The following MSN variants were observed in gnomAD, a reference collection of about 807,000 sequenced individuals.
The protein encoded by MSN is moesin, also known as epididymis luminal protein 70.
In MSN, 2 loss-of-function variants were observed where a neutral mutation model predicts 48.0. The observed-to-expected ratio is 0.04, with a 90% CI of 0.02 to 0.13. MSN has a LOEUF of 0.13. MSN is among the 10% of genes least tolerant of loss of function. The pLI is 1.00. For synonymous variants in MSN, 146 were observed against 166.9 expected, an observed-to-expected ratio of 0.87 and a Z score of 0.97; for missense variants, 267 against 470.1, an observed-to-expected ratio of 0.57 and a Z score of 3.99.
At chrX:65,662,199 C>A (rs929109376) in intron 1 of MSN, among the ~76,000 whole-genome samples, 3 of 112,384 alleles carry the variant, frequency 2.7e-5, no homozygotes, top group African/African-American at 9.7e-5. Context: ...ATTAAAATAG[C>A]CATACTGCCC....
chrX:65,732,048 A>C, intron 6 of MSN, 64 bp downstream of exon 6: 1 of 1,110,191 alleles, frequency 9.0e-7, no homozygotes, highest in Non-Finnish European at 1.2e-6. Context: ...ACTTTTCACC[A>C]AGGAGCAGGG....
intron 1 of MSN, among the ~76,000 whole-genome samples, chrX:65,618,339 T>C (rs935050074): frequency 1.8e-5 from 2 of 111,188 alleles, no homozygotes; most frequent in African/African-American, 6.6e-5. Context: ...TGTGTGGGAG[T>C]CTAAGTCTCT....
At chrX:65,659,160 C>CT (rs1269380106) in intron 1 of MSN, among the ~76,000 whole-genome samples, 15 of 103,453 alleles carry the variant, frequency 1.4e-4, no homozygotes, top group Middle Eastern at 5.3e-3. Flanking sequence ...TTTCTTTTTT[C>CT]TTTTTTTTTG....
Position 65,647,709 on chromosome X carries a change from A to G in MSN, c.-22+59097A>G, listed in dbSNP as rs148509989. ...CCTTCATGGGGGATGGATTGGAGGAAGCATAACACATTTTAGAGATGGAAA... is the reference window on the plus strand; with the variant it reads ...CCTTCATGGGGGATGGATTGGAGGAGGCATAACACATTTTAGAGATGGAAA... On this transcript the variant is annotated intron_variant, in intron 1 of 3. Coordinates refer to the MSN transcript ENST00000609672. Among the ~76,000 whole-genome samples the G allele has an allele frequency of 1.9e-4, 21 of 112,280 alleles. 1 individual carries two copies. Among genetic ancestry groups the G allele is most frequent in the Admixed American group, 1.2e-3 (13 of 10,552 alleles).
At chrX:65,704,252 C>T (rs1278866495) in intron 1 of MSN, among the ~76,000 whole-genome samples, 2 of 112,352 alleles carry the variant, frequency 1.8e-5, no homozygotes, top group Non-Finnish European at 3.8e-5. Flanking sequence ...TGGAGACTTA[C>T]TTTATTAATG....
intron 1 of MSN, among the ~76,000 whole-genome samples, chrX:65,641,011 A>C (rs968068742): frequency 2.7e-5 from 3 of 110,422 alleles, no homozygotes; most frequent in Non-Finnish European, 5.7e-5. Flanking sequence ...TGGAAGGCTA[A>C]GGAACGAGAA....
At chrX:65,708,375 C>T (rs917317880) in intron 1 of MSN, among the ~76,000 whole-genome samples, 5 of 111,320 alleles carry the variant, frequency 4.5e-5, no homozygotes, top group African/African-American at 6.5e-5. Flanking sequence ...TCACTGCAAC[C>T]TCTGCCTCCC....
At chrX:65,666,210 G>T (rs1189777822), upstream of MSN, among the ~76,000 whole-genome samples, 1 of 109,466 alleles carries the variant, frequency 9.1e-6, no homozygotes, top group South Asian at 4.0e-4. Context: ...TAGAGATGAG[G>T]TTTCGCCATG....
At chrX:65,739,229 A>G (rs1258351983) in intron 12 of MSN, 35 bp downstream of exon 12, 1 of 1,139,934 alleles carries the variant, frequency 8.8e-7, no homozygotes, top group Non-Finnish European at 1.2e-6. Flanking sequence ...AGGAAACTAT[A>G]TGCATTGATT....
At chrX:65,688,097 A>AT (rs1218337630) in intron 1 of MSN, among the ~76,000 whole-genome samples, 5 of 111,885 alleles carry the variant, frequency 4.5e-5, no homozygotes, top group Non-Finnish European at 9.4e-5. Flanking sequence ...TTGCCCTGTA[A>AT]TTTTTTTCCA....
At chrX:65,665,396 C>A (rs745614961), upstream of MSN, among the ~76,000 whole-genome samples, 2 of 111,949 alleles carry the variant, frequency 1.8e-5, no homozygotes, top group Non-Finnish European at 3.8e-5. Flanking sequence ...TTGGGGACAA[C>A]TGCTCATGGA....
At chrX:65,653,925 C>CACTA (rs1384753986) in intron 1 of MSN, among the ~76,000 whole-genome samples, 1 of 108,812 alleles carries the variant, frequency 9.2e-6, no homozygotes, top group Non-Finnish European at 1.9e-5. Context: ...AGACGCCTGC[C>CACTA]ACTACACCCA....
chrX:65,656,960 T>C (rs1236307335), intron 1 of MSN, among the ~76,000 whole-genome samples: 3 of 111,995 alleles, frequency 2.7e-5, no homozygotes, highest in Non-Finnish European at 3.8e-5. Flanking sequence ...GAAGGCTATG[T>C]TTCTGAAGAT....
chrX:65,712,959 T>C (rs1420699090), intron 1 of MSN, among the ~76,000 whole-genome samples: 3 of 111,593 alleles, frequency 2.7e-5, no homozygotes, highest in African/African-American at 6.5e-5. Context: ...CCCTGCTTAA[T>C]AGCAATGTGA....
At chrX:65,597,586 G>T (rs1213262825) in intron 1 of MSN, among the ~76,000 whole-genome samples, 1 of 111,444 alleles carries the variant, frequency 9.0e-6, no homozygotes, top group Non-Finnish European at 1.9e-5. Context: ...AGGCTCAAGC[G>T]ATCTTCCTAC....
intron 1 of MSN, among the ~76,000 whole-genome samples, chrX:65,631,384 G>A (rs767299431): frequency 3.6e-3 from 400 of 109,829 alleles, no homozygotes; most frequent in African/African-American, 0.013. Flanking sequence ...GTGAGCCACC[G>A]TGCCCAGCCC....
chrX:65,711,557 G>T (rs2071416101), intron 1 of MSN, among the ~76,000 whole-genome samples: 1 of 112,280 alleles, frequency 8.9e-6, no homozygotes, highest in Admixed American at 9.4e-5. Flanking sequence ...TATTATTTAT[G>T]CTCAATACAC....
chrX:65,695,473 A>G (rs1158973678), intron 1 of MSN, among the ~76,000 whole-genome samples: 2 of 92,640 alleles, frequency 2.2e-5, no homozygotes, highest in Admixed American at 2.6e-4. Flanking sequence ...GTGCCATTGC[A>G]CTCCAGGCTG....
At chrX:65,632,829 G>T (rs990828665) in intron 1 of MSN, among the ~76,000 whole-genome samples, 1 of 111,961 alleles carries the variant, frequency 8.9e-6, no homozygotes. Context: ...TTATTATCTC[G>T]TGGAAGACAA....
Sources: allele counts gnomAD v4.1 joint callset (sites outside exome capture counted in the v4.1 genomes callset), GRCh38; gene constraint gnomAD v4.1.1; transcripts MANE v1.5; gene names NCBI Gene and HGNC (gene_info 2026-07-23, HGNC 2026-07-21).